Variants in EEF2 observed in about 807,000 individuals in gnomAD.
The protein encoded by EEF2 is eukaryotic translation elongation factor 2.
EEF2 carries 21 observed loss-of-function variants against 85.3 expected under a neutral mutation model. The observed-to-expected ratio is 0.25, with a 90% CI of 0.17 to 0.35. EEF2 has a LOEUF of 0.35. EEF2 is among the 10% of genes least tolerant of loss of function. The pLI is 1.00. For synonymous variants in EEF2, 723 were observed against 508.8 expected (o/e 1.42, Z -5.67); for missense variants, 825 against 1,225.3 (o/e 0.67, Z 4.88).
At chr19:3,985,288 C>CG in intron 1 of EEF2, 90 bp downstream of exon 1, 6 of 1,300,842 alleles carry the variant, frequency 4.6e-6, no homozygotes, top group Non-Finnish European at 5.0e-6. Context: ...CCTCCTGGCA[C>CG]GGGGGGCCCC....
Position 3,976,407 on chromosome 19 carries a change from G to T in EEF2, c.*147C>A. The T allele has an allele frequency of 2.5e-6, 2 of 796,924 alleles. No homozygotes were observed. The highest frequency in any genetic ancestry group is 3.8e-6 in the Non-Finnish European group (2 of 519,552). The allele number at this position is 796,924 out of a possible 1,614,324, so 49.4% of individuals were successfully genotyped here. A position where few individuals can be genotyped will look rare whatever the true frequency, so the allele number is the denominator to read the frequency against. ...AGAAACGGCATCAAGTGTTATGGTT[G>T]AGTGATGGCACGCAGCGGGCCCCAG... On this transcript the variant is annotated 3_prime_UTR_variant, in exon 15 of 15. Transcript: ENST00000309311.
chr19:3,980,107 T>A, intron 9 of EEF2, 41 bp from the exon 10 acceptor site: 1 of 1,593,452 alleles, frequency 6.3e-7, no homozygotes, highest in Non-Finnish European at 8.5e-7. Flanking sequence ...CAGGGATGGT[T>A]GTGCTGGACC....
At chr19:3,979,769 T>G in intron 10 of EEF2, 39 bp downstream of exon 10, 1 of 1,596,640 alleles carries the variant, frequency 6.3e-7, no homozygotes, top group Non-Finnish European at 8.5e-7. Context: ...CCGTCCCCCC[T>G]CAGGGTGTCT....
chr19:3,976,418 C>G lies in EEF2; in HGVS notation c.*136G>C. 1.1e-6 allele frequency: 1 copy of G among 926,904 alleles called. No individual in the cohort carries two copies. The highest frequency in any genetic ancestry group is 1.7e-5 in the South Asian group (1 of 59,084). The allele number at this position is 926,904 out of a possible 1,614,324, so 57.4% of individuals were successfully genotyped here. A position where few individuals can be genotyped will look rare whatever the true frequency, so the allele number is the denominator to read the frequency against. On this transcript the variant is annotated 3_prime_UTR_variant, in exon 15 of 15. Transcript: ENST00000309311. ...CAAGTGTTATGGTTGAGTGATGGCA[C>G]GCAGCGGGCCCCAGAAACCTCTCAG...
At chr19:3,980,793 G>T in intron 8 of EEF2, 48 bp downstream of exon 8, 1 of 1,589,596 alleles carries the variant, frequency 6.3e-7, no homozygotes, top group East Asian at 2.3e-5. Flanking sequence ...TTGGGCAACA[G>T]GAAGTCATCC....
At chr19:3,985,322 GGCCCCGCGGAGGCCCCGC>G (rs2039806666) in intron 1 of EEF2, 38 bp downstream of exon 1, 3 of 1,408,858 alleles carry the variant, frequency 2.1e-6, no homozygotes. Context: ...AGGCAGCGTA[GGCCCCGCGGAGGCCCCGC>G]CGCCGCTCCG....
intron 11 of EEF2, 54 bp from the exon 12 acceptor site, chr19:3,978,226 C>G (rs767608925): frequency 1.4e-6 from 2 of 1,396,726 alleles, no homozygotes. Flanking sequence ...TGACCTTACA[C>G]ACAGACGCAT....
Position 3,984,124 on chromosome 19 carries a change from C to A in EEF2, c.218+12G>T. On this transcript the variant is annotated intron_variant, in intron 2 of 14. Transcript: ENST00000309311. ...CCTCCCTGCCTGGGTACAGAGGGCA[C>A]AGGGAGCTCACGTTGACTTGATGGT... The A allele has an allele frequency of 6.2e-7, 1 of 1,613,178 alleles. No individual in the cohort carries two copies. The highest frequency in any genetic ancestry group is 8.5e-7 in the Non-Finnish European group (1 of 1,179,554).
chr19:3,976,211 A>G lies in EEF2; in HGVS notation c.*343T>C. The G allele has an allele frequency of 3.4e-6, 1 of 296,896 alleles. No individual in the cohort carries two copies. Among genetic ancestry groups the G allele is most frequent in the South Asian group, 3.7e-5 (1 of 27,248 alleles). The allele number at this position is 296,896 out of a possible 1,614,324, so 18.4% of individuals were successfully genotyped here. On this transcript the variant is annotated 3_prime_UTR_variant, in exon 15 of 15. Coordinates refer to ENST00000309311, the MANE Select transcript of EEF2 (RefSeq NM_001961.4). ...AAGCCACTGCGGGCCATGTACCCAA[A>G]TAAACCTCTTAATGCGTTTGTTAAA...
At chr19:3,979,039 A>T (rs184005298) in intron 11 of EEF2, among the ~76,000 whole-genome samples, 3 of 151,500 alleles carry the variant, frequency 2.0e-5, no homozygotes, top group African/African-American at 4.8e-5. Context: ...GAGTGAGGCA[A>T]GAGAATCGCT....
Position 3,976,283 on chromosome 19 carries a change from T to G in EEF2, c.*271A>C, listed in dbSNP as rs1483395195. The G allele has an allele frequency of 4.6e-6, 2 of 439,208 alleles. No individual in the cohort carries two copies. The highest frequency in any genetic ancestry group is 5.6e-5 in the South Asian group (2 of 35,858). The allele number at this position is 439,208 out of a possible 1,614,324, so 27.2% of individuals were successfully genotyped here. On this transcript the variant is annotated 3_prime_UTR_variant, in exon 15 of 15. Coordinates refer to ENST00000309311, the MANE Select transcript of EEF2 (RefSeq NM_001961.4). ...TCCCTCTGAAGAAATGGAAAAAGTG[T>G]TGGGTGTCCCATCCCGCCTCCCCCT...
chr19:3,981,346 A>T lies in EEF2; in HGVS notation c.1004T>A (p.Leu335Gln). The T allele has an allele frequency of 6.2e-7, 1 of 1,614,158 alleles. No individual in the cohort carries two copies. The change falls in exon 7 of 15, where the codon CTG becomes CAG. Residue 335 changes from leucine (L) to glutamine (Q), a missense_variant. Leu to Gln is a moderately radical substitution (Grantham distance 113). Coordinates refer to ENST00000309311, the MANE Select transcript of EEF2 (RefSeq NM_001961.4). Reference protein sequence around the residue: ...SEDKDKEGKPLLKAVMRRWLP... With the variant: ...SEDKDKEGKPQLKAVMRRWLP... ...GCTGGGCCCAGGCCGCACCTTCAGC[A>T]GGGGTTTGCCTTCTTTGTCCTTGTC...
Position 3,982,060 on chromosome 19 carries a change from G to A in EEF2, c.792-8C>T, listed in dbSNP as rs773288127. 3.1e-5 allele frequency: 50 copies of A among 1,614,016 alleles called. No individual in the cohort carries two copies. The highest frequency in any genetic ancestry group is 3.8e-5 in the Non-Finnish European group (45 of 1,179,888). Reference sequence around the variant, plus strand: ...TTGGCTGGGTCAAAGTACCTGGCAAGGAGAGGCCAAGCCAAATCAAGTTAG... The same window carrying A: ...TTGGCTGGGTCAAAGTACCTGGCAAAGAGAGGCCAAGCCAAATCAAGTTAG... On this transcript the variant is annotated splice_polypyrimidine_tract_variant and splice_region_variant and intron_variant, in intron 5 of 14. Transcript: ENST00000309311.
At chr19:3,983,322 A>G in intron 2 of EEF2, 31 bp from the exon 3 acceptor site, 1 of 1,603,738 alleles carries the variant, frequency 6.2e-7, no homozygotes, top group East Asian at 2.2e-5. Flanking sequence ...TCAGGGGGAC[A>G]GGAGCCACAC....
chr19:3,976,582 G>A lies in EEF2; in HGVS notation c.2549C>T (p.Ala850Val). The A allele has an allele frequency of 6.2e-7, 1 of 1,609,798 alleles. No homozygotes were observed. The highest frequency in any genetic ancestry group is 8.5e-7 in the Non-Finnish European group (1 of 1,178,322). The change falls in exon 15 of 15, where the codon GCC becomes GTC. Residue 850 changes from alanine (A) to valine (V), a missense_variant. By Grantham distance (64) the Ala-to-Val change is moderately conservative. Transcript: ENST00000309311. ...KRKGLKEGIP[A>V]LDNFLDKL The stretch of plus-strand genomic sequence containing the variant: ...CAATTTGTCCAGGAAGTTGTCCAGG[G>A]CAGGGATGCCTTCTTTCAGGCCCTT...
chr19:3,982,129 A>G (rs1217667758), intron 5 of EEF2, 77 bp from the exon 6 acceptor site: 3 of 1,597,978 alleles, frequency 1.9e-6, no homozygotes, highest in Non-Finnish European at 2.6e-6. Flanking sequence ...CCAAGGGGAC[A>G]TGCTTGGGCA....
chr19:3,976,857 C>A, intron 14 of EEF2, 110 bp from the exon 15 acceptor site: 1 of 1,258,746 alleles, frequency 7.9e-7, no homozygotes, highest in South Asian at 1.6e-5. Context: ...CCCTGCAGAC[C>A]AGACACTCGG....
At chr19:3,979,692 C>A in intron 10 of EEF2, 116 bp downstream of exon 10, 1 of 1,469,262 alleles carries the variant, frequency 6.8e-7, no homozygotes, top group Non-Finnish European at 9.2e-7. Flanking sequence ...AGAACCCCTC[C>A]TTTCATGACC....
intron 1 of EEF2, 58 bp from the exon 2 acceptor site, chr19:3,984,408 C>T (rs1391838084): frequency 6.3e-6 from 10 of 1,575,508 alleles, no homozygotes; most frequent in African/African-American, 2.7e-5. Flanking sequence ...CAGCATGGCA[C>T]GGAGCGTTCA....
Sources: allele counts gnomAD v4.1 joint callset (sites outside exome capture counted in the v4.1 genomes callset), GRCh38; gene constraint gnomAD v4.1.1; transcripts MANE v1.5; gene names NCBI Gene and HGNC (gene_info 2026-07-23, HGNC 2026-07-21).